The following PDE10A variants were observed in gnomAD, a reference collection of about 807,000 sequenced individuals.
The protein encoded by PDE10A is phosphodiesterase 10A.
Under a neutral mutation model 97.7 loss-of-function variants are expected in PDE10A, and 39 were observed. The ratio of observed to expected loss-of-function variants is 0.40; its 90% CI spans 0.31 to 0.52. PDE10A has a LOEUF of 0.52. Ranked by LOEUF, PDE10A falls within the 20% of genes least tolerant of loss-of-function variation. The probability of loss-of-function intolerance (pLI) is 0.56; values close to 1 mark genes in which losing one functional copy is unlikely to be tolerated. For missense variants in PDE10A, 731 were observed against 1,047.8 expected (o/e 0.70, Z 4.17); for synonymous variants, 371 against 376.8 (o/e 0.98, Z 0.18).
intron 17 of PDE10A, among the ~76,000 whole-genome samples, chr6:165,386,741 G>A (rs887445447): frequency 1.3e-5 from 2 of 151,778 alleles, no homozygotes; most frequent in African/African-American, 2.4e-5. Flanking sequence ...GGTGGCTCAC[G>A]CCTGTAATCC....
At position 165,367,210 on chromosome 6, in the gene PDE10A, A is replaced by T. The variant is rs1050158498; in HGVS notation, c.2783+11984T>A. On this transcript the variant is annotated intron_variant, in intron 18 of 21. Coordinates refer to ENST00000539869, the MANE Select transcript of PDE10A (RefSeq NM_001385079.1). ...GAAAAGGAAATCCCAGAACTTGAAA[A>T]TATTACATATATATATATACACACA... Among the ~76,000 whole-genome samples, 12 of 146,284 alleles carry T rather than the reference A, an allele frequency of 8.2e-5. No homozygotes were observed. In the Admixed American group the frequency reaches 8.3e-4, roughly 10 times the overall value.
intron 1 of PDE10A, among the ~76,000 whole-genome samples, chr6:165,836,656 G>T (rs12197293): frequency 0.19 from 28,899 of 152,182 alleles, 3,223 homozygotes; most frequent in Non-Finnish European, 0.25. Flanking sequence ...ACCAAGCTGA[G>T]AAATGACAGG....
chr6:165,974,895 C>T (rs56135425), intron 1 of PDE10A, among the ~76,000 whole-genome samples: 21,029 of 152,186 alleles, frequency 0.14, 1,812 homozygotes, highest in African/African-American at 0.24. Context: ...GAACTTTCTT[C>T]TAGGAACACA....
intron 1 of PDE10A, among the ~76,000 whole-genome samples, chr6:165,578,683 GT>G (rs66480368): frequency 0.041 from 6,210 of 151,826 alleles, 384 homozygotes; most frequent in East Asian, 0.31. Flanking sequence ...CTCTTTTTCT[GT>G]TTTTTTCTTA....
In PDE10A at chr6:165,957,366, A is replaced by C. The variant is rs1028712129; in HGVS notation, c.-615+30163T>G. ...CTTGGTGGCACATGTCTGTAGTCCC[A>C]GCTACTTGGGAGGCTAAGGTGAGAG... On this transcript the variant is annotated intron_variant, in intron 1 of 19. Coordinates refer to the PDE10A transcript ENST00000366882. Among the ~76,000 whole-genome samples, 4 of 152,134 alleles carry C rather than the reference A, an allele frequency of 2.6e-5. No individual in the cohort carries two copies. In the South Asian group the frequency reaches 8.3e-4, roughly 32 times the overall value.
chr6:165,922,714 C>A (rs548309184), intron 1 of PDE10A, among the ~76,000 whole-genome samples: 4 of 152,162 alleles, frequency 2.6e-5, no homozygotes, highest in Non-Finnish European at 5.9e-5. Flanking sequence ...GAGCTCCACA[C>A]GTGAGTCAGA....
Position 165,406,604 on chromosome 6 carries a change from C to T in PDE10A, c.2076+6897G>A, listed in dbSNP as rs148017564. On this transcript the variant is annotated intron_variant, in intron 13 of 21. Coordinates refer to ENST00000539869, the MANE Select transcript of PDE10A (RefSeq NM_001385079.1). Reference sequence around the variant, plus strand: ...TCATTTCTGACAAAATTAACCTCACCGTCTTTGATGGTTAATTCTAAGTGT... The same window carrying T: ...TCATTTCTGACAAAATTAACCTCACTGTCTTTGATGGTTAATTCTAAGTGT... Among the ~76,000 whole-genome samples, 60 of 152,046 alleles carry T rather than the reference C, an allele frequency of 3.9e-4. 1 individual carries two copies. The highest frequency in any genetic ancestry group is 1.1e-3 in the Admixed American group (17 of 15,258).
At chr6:165,490,368 T>C (rs779331962) in intron 2 of PDE10A, among the ~76,000 whole-genome samples, 32 of 152,146 alleles carry the variant, frequency 2.1e-4, no homozygotes, top group Non-Finnish European at 3.7e-4. Context: ...AAAGGAAAGA[T>C]AGAGACTTTT....
chr6:165,968,158 C>A (rs1353451868), intron 1 of PDE10A, among the ~76,000 whole-genome samples: 2 of 152,164 alleles, frequency 1.3e-5, no homozygotes, highest in African/African-American at 4.8e-5. Flanking sequence ...GACAGAGATG[C>A]CTGCTCTTAG....
intron 3 of PDE10A, among the ~76,000 whole-genome samples, chr6:165,476,730 T>A (rs932717148): frequency 6.6e-6 from 1 of 152,142 alleles, no homozygotes; most frequent in Admixed American, 6.5e-5. Context: ...GAGACACTTA[T>A]AAATACATTC....
intron 1 of PDE10A, among the ~76,000 whole-genome samples, chr6:165,573,282 T>C (rs958028583): frequency 6.6e-6 from 1 of 152,114 alleles, no homozygotes; most frequent in African/African-American, 2.4e-5. Flanking sequence ...CTGGGTTTTT[T>C]TTTTTTTTTT....
intron 1 of PDE10A, among the ~76,000 whole-genome samples, chr6:165,643,593 C>T (rs966847566): frequency 2.0e-5 from 3 of 152,074 alleles, no homozygotes; most frequent in Non-Finnish European, 4.4e-5. Context: ...ATAAGCCAGG[C>T]ACAGAAAGAC....
intron 18 of PDE10A, among the ~76,000 whole-genome samples, chr6:165,358,343 GT>G (rs971969650): frequency 2.6e-5 from 4 of 151,906 alleles, no homozygotes; most frequent in East Asian, 1.9e-4. Flanking sequence ...TTAGTTCTGT[GT>G]TTTTTTGTTC....
chr6:165,439,858 TAA>T (rs1015317913), intron 5 of PDE10A, among the ~76,000 whole-genome samples: 2 of 152,204 alleles, frequency 1.3e-5, no homozygotes, highest in African/African-American at 4.8e-5. Flanking sequence ...GTACAATTTA[TAA>T]AAACACCATC....
chr6:165,639,110 C>A (rs866483771), intron 1 of PDE10A, among the ~76,000 whole-genome samples: 5 of 131,850 alleles, frequency 3.8e-5, no homozygotes, highest in Non-Finnish European at 8.4e-5. Context: ...AGCAGGCAGG[C>A]GGCAGGAAGG....
chr6:165,793,668 T>C (rs1778723081), intron 1 of PDE10A, among the ~76,000 whole-genome samples: 1 of 152,204 alleles, frequency 6.6e-6, no homozygotes, highest in African/African-American at 2.4e-5. Context: ...ACAAAGCCTG[T>C]CGCTGTGACC....
chr6:165,372,600 C>T (rs1316187599), intron 18 of PDE10A, among the ~76,000 whole-genome samples: 3 of 151,268 alleles, frequency 2.0e-5, no homozygotes, highest in Middle Eastern at 3.4e-3. Context: ...AATGGAAGAA[C>T]ATTCCATGCT....
At chr6:165,409,364 T>A (rs1299271024) in intron 13 of PDE10A, among the ~76,000 whole-genome samples, 1 of 151,896 alleles carries the variant, frequency 6.6e-6, no homozygotes, top group Admixed American at 6.6e-5. Context: ...CTGGCCAACG[T>A]GGTGAAACCC....
Position 165,418,799 on chromosome 6 carries a change from A to C in PDE10A, c.1654-22T>G. On this transcript the variant is annotated intron_variant, in intron 10 of 21. Coordinates refer to ENST00000539869, the MANE Select transcript of PDE10A (RefSeq NM_001385079.1). This position sits in a 1 kb window ranked among gnomAD's most constrained non-coding sequence, Gnocchi z 4.8. ...ATATCTAAAGACAAATGACAAAATAAGAGGAAGACAATGAGACATTCAAAG... is the reference window on the plus strand; with the variant it reads ...ATATCTAAAGACAAATGACAAAATACGAGGAAGACAATGAGACATTCAAAG... 6 of 1,604,220 alleles carry C rather than the reference A, an allele frequency of 3.7e-6. No homozygotes were observed. The highest frequency in any genetic ancestry group is 5.1e-6 in the Non-Finnish European group (6 of 1,174,320).
Sources: gnomAD v4.1 joint callset for allele counts (sites outside exome capture counted in the v4.1 genomes callset) on GRCh38, gnomAD v4.1.1 for gene constraint, Gnocchi (gnomAD v3.1) non-coding constraint, MANE v1.5 for transcripts, NCBI Gene and HGNC (gene_info 2026-07-23, HGNC 2026-07-21) for gene names.